The following RNF215 variants were observed in gnomAD, a reference collection of about 807,000 sequenced individuals.
The protein encoded by RNF215 is ring finger protein 215.
Under a neutral mutation model 44.8 loss-of-function variants are expected in RNF215, and 41 were observed. The observed-to-expected ratio is 0.92, with a 90% CI of 0.71 to 1.19. RNF215 has a LOEUF of 1.19. RNF215 is among the 50% of genes most tolerant of loss of function. The pLI is 0.00. For missense variants in RNF215, 452 were observed against 496.2 expected (o/e 0.91, Z 0.85); for synonymous variants, 218 against 230.1 (o/e 0.95, Z 0.48).
chr22:30,387,011 T>C lies in RNF215; in HGVS notation c.285+18A>G. 1 of 1,539,880 alleles carries C rather than the reference T, an allele frequency of 6.5e-7. No individual in the cohort carries two copies. The highest frequency in any genetic ancestry group is 1.2e-5 in the South Asian group (1 of 84,194). ...AGAGGGGTTTAGTGATGCGGCCAGATGGCTCAGCAGCGCTCACCAGCAGCA... is the reference window on the plus strand; with the variant it reads ...AGAGGGGTTTAGTGATGCGGCCAGACGGCTCAGCAGCGCTCACCAGCAGCA... On this transcript the variant is annotated intron_variant, in intron 1 of 8. Transcript: ENST00000382363.
At chr22:30,381,641 C>A (rs756164757) in intron 5 of RNF215, among the ~76,000 whole-genome samples, 1 of 152,200 alleles carries the variant, frequency 6.6e-6, no homozygotes, top group Non-Finnish European at 1.5e-5. Context: ...CTTCCCCGAC[C>A]GATGCTGAAG....
At position 30,384,448 on chromosome 22, in the gene RNF215, G is replaced by T. The variant is rs1200030976; in HGVS notation, c.635C>A (p.Ala212Asp). ...CAAGGTCAACTTCCACTCGATATTG[G>T]CAGACAGGGACTCTCCGCTGGTGAT... is the stretch of plus-strand genomic sequence containing the variant. ...AEITSGESLS[A>D]NIEWKLTLWT... The change falls in exon 5 of 9, where the codon GCC (alanine) becomes GAC (aspartate). Residue 212 changes from alanine to aspartate, a missense_variant. By Grantham distance (126) the Ala-to-Asp change is moderately radical. Transcript: ENST00000382363. The T allele has an allele frequency of 6.2e-7, 1 of 1,614,024 alleles. No homozygotes were observed. The highest frequency in any genetic ancestry group is 1.1e-5 in the South Asian group (1 of 91,070).
chr22:30,379,538 G>A lies in RNF215; in HGVS notation c.*62C>T. ...CATCCTGTCCTGTCCTGGGAGCCCA[G>A]GCTGAGGACCGGGGTGCAGGCAGGA... On this transcript the variant is annotated 3_prime_UTR_variant, in exon 9 of 9. Transcript: ENST00000382363. 1 of 1,540,108 alleles carries A rather than the reference G, an allele frequency of 6.5e-7. No homozygotes were observed. The highest frequency in any genetic ancestry group is 1.4e-5 in the African/African-American group (1 of 73,034).
At chr22:30,383,401 C>T (rs2145984768) in intron 5 of RNF215, among the ~76,000 whole-genome samples, 1 of 152,288 alleles carries the variant, frequency 6.6e-6, no homozygotes, top group South Asian at 2.1e-4. Context: ...CCACCCATGA[C>T]AGGGATACAC....
Position 30,380,527 on chromosome 22 carries a change from G to T in RNF215, c.745-126C>A. ...TGCTGACGGCCTCTGTGTCCCTGCA[G>T]TCCCCAGCTTCCTCTTCTGAAGGCT... On this transcript the variant is annotated intron_variant, in intron 5 of 8. Transcript: ENST00000382363. This position sits in a 1 kb window ranked among gnomAD's most constrained non-coding sequence, Gnocchi z 5.3. 1.7e-6 allele frequency: 2 copies of T among 1,189,716 alleles called. No homozygotes were observed. The highest frequency in any genetic ancestry group is 2.3e-6 in the Non-Finnish European group (2 of 860,644). 73.7% of individuals were successfully genotyped at this position (1,189,716 alleles called of 1,614,324 possible).
intron 5 of RNF215, among the ~76,000 whole-genome samples, chr22:30,383,231 C>A (rs752471049): frequency 7.9e-5 from 12 of 152,120 alleles, no homozygotes; most frequent in East Asian, 1.9e-4. Flanking sequence ...GTGGCCATGG[C>A]CACCCAATAC....
chr22:30,378,873 A>T lies in RNF215; in HGVS notation c.*727T>A, dbSNP rs1933475466. ...TTACTATTAAACCTTCCCTACTCCA[A>T]CTCTTTAAAAAAAAAAAAAAAAAAA... On this transcript the variant is annotated 3_prime_UTR_variant, in exon 9 of 9. Coordinates refer to ENST00000382363, the MANE Select transcript of RNF215 (RefSeq NM_001017981.2). 1 of 139,864 alleles carries T rather than the reference A, an allele frequency of 7.1e-6. No homozygotes were observed. Among genetic ancestry groups the T allele is most frequent in the Non-Finnish European group, 1.5e-5 (1 of 65,108 alleles). The allele number at this position is 139,864 out of a possible 1,614,324, so 8.7% of individuals were successfully genotyped here.
chr22:30,384,563 C>A (rs1273668056), intron 4 of RNF215, 68 bp from the exon 5 acceptor site: 4 of 1,439,562 alleles, frequency 2.8e-6, no homozygotes, highest in East Asian at 4.6e-5. Context: ...CCCACCCACC[C>A]CAGCTCTGCA....
rs146185068 is a variant in RNF215 at position 30,381,248 on chromosome 22, C to T, written c.745-847G>A. Among the ~76,000 whole-genome samples, 35 of 152,292 alleles carry T rather than the reference C, an allele frequency of 2.3e-4. 1 individual carries two copies. The highest frequency in any genetic ancestry group is 7.8e-4 in the Admixed American group (12 of 15,302). ...TTGCAGCTGCCCTTGGGGGTCTGTG[C>T]GCTCCCATCGGTGGGAGGTAACCAT... On this transcript the variant is annotated intron_variant, in intron 5 of 8. Coordinates refer to ENST00000382363, the MANE Select transcript of RNF215 (RefSeq NM_001017981.2).
rs1303081170 is a variant in RNF215 at position 30,387,394 on chromosome 22, C to T, written c.-81G>A. 7.7e-5 allele frequency: 69 copies of T among 898,966 alleles called. No individual in the cohort carries two copies. Among genetic ancestry groups the T allele is most frequent in the Non-Finnish European group, 9.3e-5 (69 of 744,908 alleles). The allele number at this position is 898,966 out of a possible 1,614,324, so 55.7% of individuals were successfully genotyped here. ...GGATCGGAGGGAGCGAGGCCGCTGC[C>T]GGACGGGGCGGGGCGCCGGGAGGGG... is the stretch of plus-strand genomic sequence containing the variant. On this transcript the variant is annotated 5_prime_UTR_variant, in exon 1 of 9. Transcript: ENST00000382363.
At position 30,379,418 on chromosome 22, in the gene RNF215, G is replaced by A. The variant is rs1032975998; in HGVS notation, c.*182C>T. On this transcript the variant is annotated 3_prime_UTR_variant, in exon 9 of 9. Coordinates refer to ENST00000382363, the MANE Select transcript of RNF215 (RefSeq NM_001017981.2). ...GGTCCCAGCCCTAGATCCTCAGTCT[G>A]AAGCTGTGGGGCCCTCCTTCCCAGT... 14 of 697,580 alleles carry A rather than the reference G, an allele frequency of 2.0e-5. No individual in the cohort carries two copies. The highest frequency in any genetic ancestry group is 2.7e-5 in the Admixed American group (1 of 37,016). 43.2% of individuals were successfully genotyped at this position (697,580 alleles called of 1,614,324 possible).
In RNF215 at chr22:30,387,394, CGGACG is replaced by C; in HGVS notation, c.-86_-82del. On this transcript the variant is annotated 5_prime_UTR_variant, in exon 1 of 9. Coordinates refer to ENST00000382363, the MANE Select transcript of RNF215 (RefSeq NM_001017981.2). The stretch of plus-strand genomic sequence containing the variant: ...GGATCGGAGGGAGCGAGGCCGCTGC[CGGACG>C]GGGCGGGGCGCCGGGAGGGGCGGGG... 1.1e-6 allele frequency: 1 copy of C among 899,072 alleles called. No individual in the cohort carries two copies. Among genetic ancestry groups the C allele is most frequent in the Non-Finnish European group, 1.3e-6 (1 of 744,896 alleles). The allele number at this position is 899,072 out of a possible 1,614,324, so 55.7% of individuals were successfully genotyped here.
intron 5 of RNF215, among the ~76,000 whole-genome samples, chr22:30,382,662 A>C (rs1302650217): frequency 6.6e-6 from 1 of 152,112 alleles, no homozygotes. Context: ...GCTCCGCTGC[A>C]GGCCAAAGAC....
At position 30,380,060 on chromosome 22, in the gene RNF215, G is replaced by T; in HGVS notation, c.1008+2C>A. ...TGGCTGGTCTCTACCCGGGGCACTA[G>T]CCTGTTTGTTGCAGAAGTAGTCCAG... On this transcript the variant is annotated splice_donor_variant, in intron 7 of 8. Transcript: ENST00000382363. LOFTEE classifies it high-confidence loss of function. This position sits in a 1 kb window ranked among gnomAD's most constrained non-coding sequence, Gnocchi z 5.3. 1 of 1,613,896 alleles carries T rather than the reference G, an allele frequency of 6.2e-7. No individual in the cohort carries two copies. The highest frequency in any genetic ancestry group is 2.2e-5 in the East Asian group (1 of 44,882).
rs1293605134 is a variant in RNF215 at position 30,379,717 on chromosome 22, C to T, written c.1105G>A (p.Val369Ile). ...QQTCPLCKFN[V>I]LGNRYSDD ...CCCCACCCCTGGTGCTCACCCAGGA[C>T]GTTGAATTTGCACAGTGGGCAGGTC... Residue 369 changes from valine to isoleucine, a missense_variant, in exon 8 of 9, where the codon GTC becomes ATC. Val to Ile is a conservative substitution (Grantham distance 29, BLOSUM62 3). Coordinates refer to ENST00000382363, the MANE Select transcript of RNF215 (RefSeq NM_001017981.2). 17 of 1,558,378 alleles carry T rather than the reference C, an allele frequency of 1.1e-5. No homozygotes were observed. Among genetic ancestry groups the T allele is most frequent in the African/African-American group, 5.4e-5 (4 of 73,532 alleles).
Position 30,386,746 on chromosome 22 carries a change from T to C in RNF215, c.299A>G (p.Asp100Gly), listed in dbSNP as rs1417132445. The C allele has an allele frequency of 2.5e-6, 4 of 1,605,138 alleles. No individual in the cohort carries two copies. Among genetic ancestry groups the C allele is most frequent in the Non-Finnish European group, 3.4e-6 (4 of 1,179,824 alleles). Reference protein sequence around the residue: ...GGRLLLMDIVDAEQEAPVEGW... With the variant: ...GGRLLLMDIVGAEQEAPVEGW... ...TTCCACTGGTGCCTCCTGCTCGGCA[T>C]CCACGATGTCCATCTGTGTGGCAAG... Residue 100 changes from aspartate (D) to glycine (G), a missense_variant, in exon 2 of 9, where the codon GAT (aspartate) becomes GGT (glycine). By Grantham distance (94) the Asp-to-Gly change is moderately conservative (BLOSUM62 -1). Transcript: ENST00000382363.
rs1933592170 is a variant in RNF215, at chr22:30,385,946, T to C, written c.545A>G (p.His182Arg). The C allele has an allele frequency of 1.9e-6, 3 of 1,614,024 alleles. No individual in the cohort carries two copies. The highest frequency in any genetic ancestry group is 1.7e-6 in the Non-Finnish European group (2 of 1,180,034). ...QLLLRPVIVL[H>R]YSSNVTKLLD... ...CAGCTTGGTGACATTGGAGGAATAA[T>C]GGAGGACGATCACTGGCCTGAGCAG... Residue 182 changes from histidine to arginine, a missense_variant, in exon 4 of 9, where the codon CAT (histidine) becomes CGT (arginine). By Grantham distance (29) the His-to-Arg change is conservative. Coordinates refer to ENST00000382363, the MANE Select transcript of RNF215 (RefSeq NM_001017981.2).
chr22:30,380,994 C>T lies in RNF215; in HGVS notation c.745-593G>A, dbSNP rs1001927430. Among the ~76,000 whole-genome samples, 5 of 152,216 alleles carry T rather than the reference C, an allele frequency of 3.3e-5. No individual in the cohort carries two copies. Among genetic ancestry groups the T allele is most frequent in the Non-Finnish European group, 7.3e-5 (5 of 68,034 alleles). ...CCCCTGCACACCAGGCCCTGCAGCT[C>T]CCCTGCCTGAGCTCCTTCCCTGCAG... On this transcript the variant is annotated intron_variant, in intron 5 of 8. Transcript: ENST00000382363. This position sits in a 1 kb window ranked among gnomAD's most constrained non-coding sequence, Gnocchi z 5.3.
At chr22:30,383,550 G>A (rs956744734) in intron 5 of RNF215, among the ~76,000 whole-genome samples, 1 of 152,164 alleles carries the variant, frequency 6.6e-6, no homozygotes, top group Admixed American at 6.5e-5. Flanking sequence ...CACAGCCCAC[G>A]GTGGCCAACA....
Sources: gnomAD v4.1 joint callset for allele counts (sites outside exome capture counted in the v4.1 genomes callset) on GRCh38, gnomAD v4.1.1 for gene constraint, Gnocchi (gnomAD v3.1) non-coding constraint, MANE v1.5 for transcripts, NCBI Gene and HGNC (gene_info 2026-07-23, HGNC 2026-07-21) for gene names.